The following GLIS3 variants were observed in gnomAD, a reference collection of about 807,000 sequenced individuals.
GLIS3 encodes zinc finger protein GLIS3.
In GLIS3, 53 loss-of-function variants were observed where a neutral mutation model predicts 78.6. The observed-to-expected ratio is 0.67, with a 90% CI of 0.54 to 0.85. GLIS3 has a LOEUF of 0.85. GLIS3 is among the 40% of genes least tolerant of loss of function. The probability of loss-of-function intolerance (pLI) is 0.00; values close to 1 mark genes in which losing one functional copy is unlikely to be tolerated. For missense variants in GLIS3, 1,703 were observed against 1,231.1 expected (o/e 1.38, Z -5.74); for synonymous variants, 684 against 509.9 (o/e 1.34, Z -4.60).
Position 3,999,724 on chromosome 9 carries a change from C to A in GLIS3, c.1711-62535G>T, listed in dbSNP as rs529583012. On this transcript the variant is annotated intron_variant, in intron 4 of 10. Transcript: ENST00000381971. ...ATCTACATATTTAATAAATTCTAACCAAAATCTTAACAGGATTTTTCAAGG... is the reference window on the plus strand; with the variant it reads ...ATCTACATATTTAATAAATTCTAACAAAAATCTTAACAGGATTTTTCAAGG... Among the ~76,000 whole-genome samples, 130 of 152,134 alleles carry A rather than the reference C, an allele frequency of 8.5e-4. 1 individual carries two copies. The highest frequency in any genetic ancestry group is 3.1e-3 in the African/African-American group (129 of 41,504).
the GLIS3 span, among the ~76,000 whole-genome samples, chr9:4,397,359 T>A: frequency 3.3e-5 from 5 of 151,762 alleles, no homozygotes; most frequent in Non-Finnish European, 7.4e-5. Flanking sequence ...GGGTTTTGTT[T>A]GTTTGGTTTT....
upstream of GLIS3, among the ~76,000 whole-genome samples, chr9:4,349,251 A>G (rs1817931920): frequency 6.6e-6 from 1 of 152,218 alleles, no homozygotes; most frequent in Admixed American, 6.5e-5. Flanking sequence ...TGGTATGCAC[A>G]CTTGCAGAAC....
At chr9:4,164,402 T>G (rs1835724143) in intron 2 of GLIS3, among the ~76,000 whole-genome samples, 1 of 152,196 alleles carries the variant, frequency 6.6e-6, no homozygotes, top group Non-Finnish European at 1.5e-5. Flanking sequence ...TTCCAGAGCT[T>G]TTGTTGTTGT....
chr9:4,175,667 T>TA (rs1816751133), intron 2 of GLIS3, among the ~76,000 whole-genome samples: 1 of 152,154 alleles, frequency 6.6e-6, no homozygotes, highest in Non-Finnish European at 1.5e-5. Flanking sequence ...CTGTACTGGA[T>TA]AAGAAATAAA....
At chr9:3,851,469 C>G (rs1254762264) in intron 9 of GLIS3, among the ~76,000 whole-genome samples, 1 of 152,144 alleles carries the variant, frequency 6.6e-6, no homozygotes, top group Admixed American at 6.5e-5. Context: ...CTAATGAAGG[C>G]AAAATGAATG....
intron 2 of GLIS3, among the ~76,000 whole-genome samples, chr9:4,202,337 G>C (rs1001633203): frequency 2.6e-5 from 4 of 151,040 alleles, no homozygotes; most frequent in Admixed American, 6.6e-5. Context: ...ATTTTTAGTA[G>C]AGACAGGGTT....
the GLIS3 span, among the ~76,000 whole-genome samples, chr9:4,386,186 A>G: frequency 1.6e-4 from 25 of 152,184 alleles, no homozygotes; most frequent in Admixed American, 2.0e-4. Flanking sequence ...AATCTCCTCT[A>G]ATCACCCTAA....
At chr9:4,009,905 G>A (rs1337765507) in intron 4 of GLIS3, among the ~76,000 whole-genome samples, 1 of 152,188 alleles carries the variant, frequency 6.6e-6, no homozygotes, top group African/African-American at 2.4e-5. Context: ...AGGCTCTCAA[G>A]TAGTAGGGGC....
chr9:4,069,128 A>G (rs897484807), intron 4 of GLIS3, among the ~76,000 whole-genome samples: 1 of 152,186 alleles, frequency 6.6e-6, no homozygotes, highest in African/African-American at 2.4e-5. Flanking sequence ...GATAAGGCTC[A>G]ATAAAAATGC....
intron 1 of GLIS3, among the ~76,000 whole-genome samples, chr9:4,288,314 C>T (rs1216064353): frequency 2.0e-5 from 3 of 152,138 alleles, no homozygotes; most frequent in African/African-American, 7.2e-5. Flanking sequence ...ACGTATTCAG[C>T]AGCAACCCAC....
chr9:4,030,161 G>A (rs702259), intron 4 of GLIS3, among the ~76,000 whole-genome samples: 5 of 151,860 alleles, frequency 3.3e-5, no homozygotes, highest in South Asian at 4.1e-4. Flanking sequence ...AGATGATATC[G>A]CCTCGTAGTT....
intron 4 of GLIS3, among the ~76,000 whole-genome samples, chr9:4,069,465 T>C (rs1183673364): frequency 6.6e-6 from 1 of 152,206 alleles, no homozygotes; most frequent in South Asian, 2.1e-4. Flanking sequence ...TACATGAGCC[T>C]CAACGCACAC....
At chr9:3,895,700 C>G (rs779714030) in intron 7 of GLIS3, among the ~76,000 whole-genome samples, 7 of 152,178 alleles carry the variant, frequency 4.6e-5, no homozygotes, top group East Asian at 1.9e-4. Context: ...TGCCATCTTC[C>G]CTGTTCATCT....
At chr9:4,096,669 G>A (rs554963190) in intron 4 of GLIS3, among the ~76,000 whole-genome samples, 1 of 152,272 alleles carries the variant, frequency 6.6e-6, no homozygotes, top group Admixed American at 6.5e-5. Context: ...GCTGGAGAGA[G>A]AGGAGAGGGG....
chr9:3,924,171 G>T (rs968157713), intron 6 of GLIS3, among the ~76,000 whole-genome samples: 9 of 152,310 alleles, frequency 5.9e-5, no homozygotes, highest in Non-Finnish European at 8.8e-5. Flanking sequence ...CTGAGTATCT[G>T]TATGACCCAG....
At chr9:3,957,680 G>C (rs1051303359) in intron 4 of GLIS3, among the ~76,000 whole-genome samples, 1 of 152,182 alleles carries the variant, frequency 6.6e-6, no homozygotes, top group African/African-American at 2.4e-5. Context: ...AACAGACAAA[G>C]AAATGTTAGC....
chr9:3,920,866 A>T (rs1824842443), intron 6 of GLIS3, among the ~76,000 whole-genome samples: 1 of 152,192 alleles, frequency 6.6e-6, no homozygotes, highest in Non-Finnish European at 1.5e-5. Context: ...CAGTATTGTG[A>T]AACAGAGCTT....
At chr9:3,838,876 T>C (rs1818536618) in intron 9 of GLIS3, among the ~76,000 whole-genome samples, 1 of 152,138 alleles carries the variant, frequency 6.6e-6, no homozygotes, top group Admixed American at 6.6e-5. Context: ...TTGGAAAACC[T>C]TCTGTAATCC....
intron 4 of GLIS3, among the ~76,000 whole-genome samples, chr9:3,953,765 CTCTCT>C (rs1563886329): frequency 4.0e-4 from 15 of 37,186 alleles, no homozygotes; most frequent in African/African-American, 1.8e-3. Flanking sequence ...GATTTGCTCT[CTCTCT>C]CTCTCTCTCT....
Sources: allele counts gnomAD v4.1 joint callset (sites outside exome capture counted in the v4.1 genomes callset), GRCh38; gene constraint gnomAD v4.1.1; transcripts MANE v1.5; gene names NCBI Gene and HGNC (gene_info 2026-07-23, HGNC 2026-07-21).